Variants in COL4A6 observed in about 807,000 individuals in gnomAD.
COL4A6 encodes the protein collagen alpha-6(IV) chain.
A neutral mutation model predicts 126.7 loss-of-function variants in COL4A6; 59 were observed. The ratio of observed to expected loss-of-function variants is 0.47; its 90% confidence interval spans 0.38 to 0.58. COL4A6 has a LOEUF of 0.58. Ranked by LOEUF, COL4A6 falls within the 20% of genes least tolerant of loss-of-function variation. The probability of loss-of-function intolerance (pLI) is 0.00; values close to 1 mark genes in which losing one functional copy is unlikely to be tolerated. For synonymous variants in COL4A6, 547 were observed against 496.6 expected (o/e 1.10, Z -1.35); for missense variants, 1,285 against 1,337.3 (o/e 0.96, Z 0.61).
At chrX:108,284,331 G>A (rs868056642) in intron 3 of COL4A6, among the ~76,000 whole-genome samples, 57 of 109,826 alleles carry the variant, frequency 5.2e-4, no homozygotes, top group African/African-American at 1.7e-3. Context: ...GCTGGGGGAG[G>A]GATAGCATTA....
chrX:108,367,994 AGGTCCAT>A (rs1287146689), intron 2 of COL4A6, among the ~76,000 whole-genome samples: 7 of 110,408 alleles, frequency 6.3e-5, no homozygotes, highest in African/African-American at 2.3e-4. Context: ...TATGTATCTA[AGGTCCAT>A]GAGAACAGAA....
At chrX:108,347,188 C>T in intron 2 of COL4A6, among the ~76,000 whole-genome samples, 1 of 111,751 alleles carries the variant, frequency 8.9e-6, no homozygotes, top group Admixed American at 9.5e-5. Flanking sequence ...TCGCAGGGAG[C>T]ACTCACACAC....
At chrX:108,386,481 C>T (rs979638871) in intron 2 of COL4A6, among the ~76,000 whole-genome samples, 4 of 112,246 alleles carry the variant, frequency 3.6e-5, no homozygotes, top group African/African-American at 1.3e-4. Context: ...TGATGATGAG[C>T]AATTTTTCCA....
At chrX:108,395,591 C>T (rs966181424) in intron 2 of COL4A6, among the ~76,000 whole-genome samples, 2 of 112,069 alleles carry the variant, frequency 1.8e-5, no homozygotes, top group African/African-American at 6.5e-5. Flanking sequence ...TCCTGTCAGT[C>T]TTATTAAGCA....
In COL4A6 at chrX:108,175,178, A is replaced by C; in HGVS notation, c.2868T>G (p.Ser956Arg). 8.3e-7 allele frequency: 1 copy of C among 1,200,917 alleles called. No homozygotes were observed. The highest frequency in any genetic ancestry group is 1.1e-6 in the Non-Finnish European group (1 of 890,499). ...RGNPGPVGIPSPRRPMSNLWL... is the reference protein window; with the variant it reads ...RGNPGPVGIPRPRRPMSNLWL... ...AAAGGTTTGACATTGGACGTCTTGG[A>C]CTAGGTATTCCGACTGGCCCCGGAT... is the stretch of plus-strand genomic sequence containing the variant. The change falls in exon 30 of 45, where the codon AGT becomes AGG. Residue 956 changes from serine (S) to arginine (R), a missense_variant. Ser to Arg is a moderately radical substitution (Grantham distance 110). Transcript: ENST00000334504.
chrX:108,294,869 AC>A (rs2038279214), intron 3 of COL4A6, among the ~76,000 whole-genome samples: 2 of 111,942 alleles, frequency 1.8e-5, no homozygotes, highest in African/African-American at 6.5e-5. Flanking sequence ...ACTAAAAAGC[AC>A]TGAATTCTAC....
chrX:108,264,947 C>G (rs2037260785), intron 3 of COL4A6, among the ~76,000 whole-genome samples: 1 of 111,984 alleles, frequency 8.9e-6, no homozygotes, highest in Non-Finnish European at 1.9e-5. Context: ...CACTTACTAG[C>G]TGTGTGACAC....
chrX:108,184,212 A>G (rs1302572209), intron 23 of COL4A6, among the ~76,000 whole-genome samples: 1 of 112,454 alleles, frequency 8.9e-6, no homozygotes, highest in African/African-American at 3.2e-5. Flanking sequence ...ATTTGTTTTT[A>G]AAATTGTGCA....
At chrX:108,362,616 C>A (rs911192473) in intron 2 of COL4A6, among the ~76,000 whole-genome samples, 1 of 112,035 alleles carries the variant, frequency 8.9e-6, no homozygotes, top group Non-Finnish European at 1.9e-5. Flanking sequence ...GTACTCCTTC[C>A]CTCTCAAGGT....
chrX:108,230,104 C>A (rs991539447), intron 3 of COL4A6, among the ~76,000 whole-genome samples: 25 of 111,415 alleles, frequency 2.2e-4, no homozygotes, highest in African/African-American at 5.5e-4. Flanking sequence ...GAGGAATTCA[C>A]CTTTGGACAG....
chrX:108,380,296 G>C (rs1322329459), intron 2 of COL4A6, among the ~76,000 whole-genome samples: 1 of 112,241 alleles, frequency 8.9e-6, no homozygotes, highest in Non-Finnish European at 1.9e-5. Context: ...CAGTAAACTA[G>C]TTCATAAATA....
intron 3 of COL4A6, among the ~76,000 whole-genome samples, chrX:108,275,752 C>T (rs1300275363): frequency 8.8e-6 from 1 of 113,104 alleles, no homozygotes; most frequent in Non-Finnish European, 1.9e-5. Context: ...AGAGTACAAA[C>T]ACTGGAATTG....
In COL4A6 at chrX:108,176,983, G is replaced by A. The variant is rs887926432; in HGVS notation, c.2544C>T (p.Gly848=). ...CAATTGATCCAGGAGGACCTTTCTT[G>A]CCTCTTGTTCCTTTCTTTCCAGGAT... ...SGHPGKKGTR[G]KKGPPGSIVK... Residue 848 remains glycine, a synonymous_variant, in exon 28 of 45, where the codon GGC becomes GGT. Coordinates refer to ENST00000334504, the MANE Select transcript of COL4A6 (RefSeq NM_033641.4). 5.8e-6 allele frequency: 7 copies of A among 1,209,972 alleles called. No individual in the cohort carries two copies. Among genetic ancestry groups the A allele is most frequent in the Non-Finnish European group, 7.8e-6 (7 of 895,005 alleles).
At chrX:108,346,133 C>T (rs765553808) in intron 2 of COL4A6, among the ~76,000 whole-genome samples, 1 of 111,475 alleles carries the variant, frequency 9.0e-6, no homozygotes, top group African/African-American at 3.3e-5. Flanking sequence ...ACCTTGCCAC[C>T]TGGAGCCATG....
chrX:108,378,770 G>T (rs780954869), intron 2 of COL4A6, among the ~76,000 whole-genome samples: 17 of 113,211 alleles, frequency 1.5e-4, no homozygotes, highest in Non-Finnish European at 2.8e-4. Flanking sequence ...GGCAAACTAT[G>T]GCCCCCTGGG....
intron 3 of COL4A6, among the ~76,000 whole-genome samples, chrX:108,246,224 T>C (rs2036715144): frequency 8.9e-6 from 1 of 112,091 alleles, no homozygotes; most frequent in Non-Finnish European, 1.9e-5. Context: ...TTATCTTCAA[T>C]ATGCGATTAA....
At chrX:108,408,939 C>T (rs963440843) in intron 2 of COL4A6, among the ~76,000 whole-genome samples, 3 of 111,987 alleles carry the variant, frequency 2.7e-5, no homozygotes, top group African/African-American at 9.7e-5. Flanking sequence ...CCAGCCTGGA[C>T]AACAAGAGCG....
At chrX:108,428,375 G>C (rs773046078) in intron 2 of COL4A6, among the ~76,000 whole-genome samples, 1 of 111,620 alleles carries the variant, frequency 9.0e-6, no homozygotes, top group East Asian at 2.8e-4. Context: ...TGCCAAAATT[G>C]GGAAATGATT....
At chrX:108,297,928 A>C (rs2038370848) in intron 3 of COL4A6, among the ~76,000 whole-genome samples, 3 of 97,275 alleles carry the variant, frequency 3.1e-5, no homozygotes, top group East Asian at 3.2e-4. Context: ...TCGTCCCCAC[A>C]CCTCTTTTTC....
Sources: gnomAD v4.1 joint callset for allele counts (sites outside exome capture counted in the v4.1 genomes callset) on GRCh38, gnomAD v4.1.1 for gene constraint, MANE v1.5 for transcripts, NCBI Gene and HGNC (gene_info 2026-07-23, HGNC 2026-07-21) for gene names.